SLC1A2: variants seen among roughly 807,000 people sequenced by gnomAD.
SLC1A2 encodes excitatory amino acid transporter 2.
Under a neutral mutation model 48.8 loss-of-function variants are expected in SLC1A2, and 15 were observed. The observed-to-expected ratio is 0.31, with a 90% CI of 0.21 to 0.47. The LOEUF is 0.47. Among genes scored for constraint, SLC1A2 ranks in the 20% least tolerant of loss-of-function variants. SLC1A2 has a pLI of 0.99. For synonymous variants in SLC1A2, 279 were observed against 272.6 expected, an observed-to-expected ratio of 1.02 and a Z score of -0.23; for missense variants, 502 against 730.5, an observed-to-expected ratio of 0.69 and a Z score of 3.61.
chr11:35,388,617 A>G (rs1854656498), intron 1 of SLC1A2, among the ~76,000 whole-genome samples: 1 of 151,834 alleles, frequency 6.6e-6, no homozygotes, highest in African/African-American at 2.4e-5. Flanking sequence ...CTGGTCTTAA[A>G]CTCTTGGACT....
chr11:35,399,531 T>C, intron 1 of SLC1A2: 3 of 772,106 alleles, frequency 3.9e-6, no homozygotes, highest in Non-Finnish European at 4.7e-6. Flanking sequence ...GAGGAGGCAA[T>C]GGTGGGTCTT....
intron 1 of SLC1A2, among the ~76,000 whole-genome samples, chr11:35,371,897 G>C (rs748698179): frequency 1.3e-5 from 2 of 152,154 alleles, no homozygotes; most frequent in Non-Finnish European, 2.9e-5. Flanking sequence ...ACTCAACCAG[G>C]CTACAGGTCT....
At chr11:35,367,103 C>T (rs1853876508) in intron 1 of SLC1A2, among the ~76,000 whole-genome samples, 1 of 152,176 alleles carries the variant, frequency 6.6e-6, no homozygotes, top group Non-Finnish European at 1.5e-5. Context: ...ATAGCATAAC[C>T]CTGTCATCTC....
intron 9 of SLC1A2, among the ~76,000 whole-genome samples, chr11:35,271,740 G>A (rs1850284928): frequency 6.6e-6 from 1 of 152,150 alleles, no homozygotes. Context: ...CTGCTCTGGA[G>A]GCTGAGGTGG....
At chr11:35,371,062 G>C (rs536404454) in intron 1 of SLC1A2, 2 of 985,076 alleles carry the variant, frequency 2.0e-6, no homozygotes, top group African/African-American at 3.5e-5. Flanking sequence ...ACAATGGGTG[G>C]AGTTGACTCA....
In SLC1A2 at chr11:35,396,976, G is replaced by A. The variant is rs762267009; in HGVS notation, c.17+21974C>T. ...CCTAGGAATCCAACTTACAAGGGAT[G>A]TGAAGGACCTCTTCAAGGAGAACTA... On this transcript the variant is annotated intron_variant, in intron 1 of 10. Transcript: ENST00000278379. Among the ~76,000 whole-genome samples, 990 of 150,830 alleles carry A rather than the reference G, an allele frequency of 6.6e-3. 9 individuals carry two copies. Among genetic ancestry groups the A allele is most frequent in the Middle Eastern group, 0.017 (5 of 292 alleles).
At chr11:35,281,721 G>T (rs1312129568) in intron 8 of SLC1A2, 1 of 152,070 alleles carries the variant, frequency 6.6e-6, no homozygotes, top group Non-Finnish European at 1.5e-5. Context: ...TTGTCTCTGG[G>T]AGAGGGTTAA....
intron 1 of SLC1A2, among the ~76,000 whole-genome samples, chr11:35,401,171 A>G (rs1855129011): frequency 6.6e-6 from 1 of 152,328 alleles, no homozygotes; most frequent in East Asian, 1.9e-4. Context: ...TCCAGGTAGC[A>G]GGCTTCAGAG....
chr11:35,281,076 C>T, intron 8 of SLC1A2, 75 bp from the exon 9 acceptor site: 2 of 1,446,980 alleles, frequency 1.4e-6, no homozygotes, highest in Non-Finnish European at 1.8e-6. Flanking sequence ...ATTTTAAGCT[C>T]TAATTTTCCT....
Position 35,255,017 on chromosome 11 carries a change from T to C in SLC1A2, c.*5877A>G, listed in dbSNP as rs1289232773. On this transcript the variant is annotated 3_prime_UTR_variant, in exon 11 of 11. Coordinates refer to ENST00000278379, the MANE Select transcript of SLC1A2 (RefSeq NM_004171.4). ...AATGAAGAAATTGTGTTTATCTTGC[T>C]GCCCTTGCATCAGGTTTTTTGCACT... The C allele has an allele frequency of 3.4e-6, 1 of 292,532 alleles. No homozygotes were observed. The highest frequency in any genetic ancestry group is 2.2e-5 in the African/African-American group (1 of 44,672). The allele number at this position is 292,532 out of a possible 1,614,324, so 18.1% of individuals were successfully genotyped here. A position where few individuals can be genotyped will look rare whatever the true frequency, so the allele number is the denominator to read the frequency against.
At position 35,251,449 on chromosome 11, in the gene SLC1A2, C is replaced by T. The variant is rs1950237110; in HGVS notation, c.*9445G>A. 6.6e-6 allele frequency: 1 copy of T among 152,570 alleles called. No homozygotes were observed. Among genetic ancestry groups the T allele is most frequent in the South Asian group, 2.1e-4 (1 of 4,834 alleles). 9.5% of individuals were successfully genotyped at this position (152,570 alleles called of 1,614,324 possible). On this transcript the variant is annotated 3_prime_UTR_variant, in exon 11 of 11. Coordinates refer to ENST00000278379, the MANE Select transcript of SLC1A2 (RefSeq NM_004171.4). Reference sequence around the variant, plus strand: ...ATTTTCTAGTAGCATATATGAGAAACAATTCAAAAATTAGTTGAAGATTTT... The same window carrying T: ...ATTTTCTAGTAGCATATATGAGAAATAATTCAAAAATTAGTTGAAGATTTT...
intron 1 of SLC1A2, among the ~76,000 whole-genome samples, chr11:35,356,028 A>G (rs1384542512): frequency 6.6e-6 from 1 of 152,230 alleles, no homozygotes; most frequent in East Asian, 1.9e-4. Flanking sequence ...CTTTAGTTAC[A>G]AACAAAATAA....
chr11:35,295,680 T>C (rs779235509), intron 6 of SLC1A2, among the ~76,000 whole-genome samples: 1 of 152,250 alleles, frequency 6.6e-6, no homozygotes, highest in Non-Finnish European at 1.5e-5. Flanking sequence ...AGGCTGTTCC[T>C]GTTCTCTGTT....
chr11:35,337,643 CT>C (rs1211098362), intron 1 of SLC1A2, among the ~76,000 whole-genome samples: 1 of 152,164 alleles, frequency 6.6e-6, no homozygotes, highest in Non-Finnish European at 1.5e-5. Context: ...TAAACAGACT[CT>C]ACCTATAGGG....
chr11:35,290,897 TA>T (rs1329911874), intron 7 of SLC1A2, among the ~76,000 whole-genome samples: 2 of 152,164 alleles, frequency 1.3e-5, no homozygotes, highest in African/African-American at 4.8e-5. Flanking sequence ...CTCCATTTTC[TA>T]CTAGCACTGA....
intron 1 of SLC1A2, among the ~76,000 whole-genome samples, chr11:35,358,858 G>T (rs936106851): frequency 6.6e-6 from 1 of 152,160 alleles, no homozygotes; most frequent in African/African-American, 2.4e-5. Context: ...AATAGCAAGC[G>T]GGAGGCGGTG....
intron 1 of SLC1A2, among the ~76,000 whole-genome samples, chr11:35,374,092 A>G (rs923640721): frequency 6.6e-6 from 1 of 152,216 alleles, no homozygotes. Context: ...TGAAGATTAA[A>G]TAAAATAATA....
At chr11:35,306,311 G>C in intron 4 of SLC1A2, 69 bp from the exon 5 acceptor site, 2 of 1,241,346 alleles carry the variant, frequency 1.6e-6, no homozygotes, top group South Asian at 2.9e-5. Flanking sequence ...AAAAAGATTG[G>C]CTACTCATAT....
rs1211941901 is a variant in SLC1A2, at chr11:35,258,188, A to G, written c.*2706T>C. 3 of 152,234 alleles carry G rather than the reference A, an allele frequency of 2.0e-5. No individual in the cohort carries two copies. Among genetic ancestry groups the G allele is most frequent in the Non-Finnish European group, 4.4e-5 (3 of 68,038 alleles). The allele number at this position is 152,234 out of a possible 1,614,324, so 9.4% of individuals were successfully genotyped here. A position where few individuals can be genotyped will look rare whatever the true frequency, so the allele number is the denominator to read the frequency against. Reference sequence around the variant, plus strand: ...GGATTTTCAGGCTAGTCCTGAGTTCAAGAAATTGTATATTTTTAATATGAC... The same window carrying G: ...GGATTTTCAGGCTAGTCCTGAGTTCGAGAAATTGTATATTTTTAATATGAC... On this transcript the variant is annotated 3_prime_UTR_variant, in exon 11 of 11. Transcript: ENST00000278379.
Sources: gnomAD v4.1 joint callset for allele counts (sites outside exome capture counted in the v4.1 genomes callset) on GRCh38, gnomAD v4.1.1 for gene constraint, MANE v1.5 for transcripts, NCBI Gene and HGNC (gene_info 2026-07-23, HGNC 2026-07-21) for gene names.